The following PACRG variants were observed in gnomAD, a reference collection of about 807,000 sequenced individuals.
The protein encoded by PACRG is parkin coregulated gene protein.
A neutral mutation model predicts 29.7 loss-of-function variants in PACRG; 29 were observed. The observed-to-expected ratio is 0.98, with a 90% CI of 0.73 to 1.33. The LOEUF is 1.33. Ranked by LOEUF, PACRG falls within the 40% of genes most tolerant of loss-of-function variation. The probability of loss-of-function intolerance (pLI) is 0.00; values close to 1 mark genes in which losing one functional copy is unlikely to be tolerated. For missense variants in PACRG, 279 were observed against 316.2 expected (o/e 0.88, Z 0.89); for synonymous variants, 116 against 118.7 (o/e 0.98, Z 0.15).
intron 1 of PACRG, among the ~76,000 whole-genome samples, chr6:162,747,393 T>TATAC (rs1491581485): frequency 2.7e-5 from 1 of 36,980 alleles, no homozygotes; most frequent in Admixed American, 3.7e-4. Context: ...TATATATGTA[T>TATAC]ATATATATGT....
At chr6:163,193,484 A>G (rs2128362619) in intron 4 of PACRG, among the ~76,000 whole-genome samples, 1 of 152,248 alleles carries the variant, frequency 6.6e-6, no homozygotes, top group Admixed American at 6.5e-5. Flanking sequence ...CAACAAGGCG[A>G]TTGTTCCCAG....
chr6:163,179,230 T>C (rs1387647175), intron 4 of PACRG: 1 of 455,818 alleles, frequency 2.2e-6, no homozygotes, highest in African/African-American at 2.0e-5. Context: ...GGCTCCTCCG[T>C]AGGTTCTCCT....
At chr6:163,198,580 T>C (rs4708981) in intron 4 of PACRG, among the ~76,000 whole-genome samples, 65,485 of 151,950 alleles carry the variant, frequency 0.43, 15,298 homozygotes, top group African/African-American at 0.62. Flanking sequence ...GCACCGAGGT[T>C]GTCTGGCACC....
At chr6:163,222,952 A>G (rs1027446734) in intron 4 of PACRG, among the ~76,000 whole-genome samples, 1 of 152,238 alleles carries the variant, frequency 6.6e-6, no homozygotes, top group African/African-American at 2.4e-5. Context: ...ATGTAGCTCA[A>G]AAAGGAAAAG....
At chr6:162,780,962 G>C (rs1006258267) in intron 1 of PACRG, among the ~76,000 whole-genome samples, 9 of 151,872 alleles carry the variant, frequency 5.9e-5, no homozygotes, top group South Asian at 4.1e-4. Flanking sequence ...AGGAGTGGGA[G>C]ATAAAATAAT....
intron 2 of PACRG, among the ~76,000 whole-genome samples, chr6:162,876,046 C>T (rs1793319085): frequency 6.6e-6 from 1 of 152,342 alleles, no homozygotes; most frequent in South Asian, 2.1e-4. Context: ...TCTGTTCCTT[C>T]ACCACCCCCT....
chr6:162,861,779 C>T (rs1377365645), intron 2 of PACRG, among the ~76,000 whole-genome samples: 1 of 152,170 alleles, frequency 6.6e-6, no homozygotes, highest in Non-Finnish European at 1.5e-5. Flanking sequence ...GTTATGCTCA[C>T]TATAATTGTT....
chr6:162,730,424 C>T (rs539944133), intron 1 of PACRG, among the ~76,000 whole-genome samples: 93 of 152,086 alleles, frequency 6.1e-4, no homozygotes, highest in Non-Finnish European at 1.2e-3. Context: ...AGAGCCAACA[C>T]CCTCCAAACC....
intron 4 of PACRG, among the ~76,000 whole-genome samples, chr6:163,101,891 C>T (rs1235627761): frequency 2.6e-5 from 4 of 152,206 alleles, no homozygotes; most frequent in Non-Finnish European, 5.9e-5. Flanking sequence ...GAGAGAACCA[C>T]ATAATACATC....
intron 4 of PACRG, among the ~76,000 whole-genome samples, chr6:163,201,491 T>C (rs1434825726): frequency 6.6e-6 from 1 of 152,144 alleles, no homozygotes; most frequent in Non-Finnish European, 1.5e-5. Context: ...AATCGGGCTG[T>C]GTGGGGACAG....
intron 2 of PACRG, among the ~76,000 whole-genome samples, chr6:162,983,308 T>C (rs928412693): frequency 6.6e-6 from 1 of 152,032 alleles, no homozygotes; most frequent in Non-Finnish European, 1.5e-5. Context: ...TTACATTCAC[T>C]GTTAATATTG....
At chr6:162,729,111 T>G (rs1470352958) in intron 1 of PACRG, among the ~76,000 whole-genome samples, 1 of 152,218 alleles carries the variant, frequency 6.6e-6, no homozygotes, top group African/African-American at 2.4e-5. Context: ...TAAAAATATA[T>G]ACAAATATTT....
intron 4 of PACRG, among the ~76,000 whole-genome samples, chr6:163,268,888 A>G (rs1363490240): frequency 6.6e-6 from 1 of 152,354 alleles, no homozygotes. Context: ...TGGAAACACC[A>G]AAATGATGTG....
intron 4 of PACRG, among the ~76,000 whole-genome samples, chr6:163,208,035 G>T (rs1780980179): frequency 6.6e-6 from 1 of 152,164 alleles, no homozygotes; most frequent in South Asian, 2.1e-4. Context: ...ACAGACGGTC[G>T]GGCAATGCTT....
At chr6:162,983,230 G>T (rs534644867) in intron 2 of PACRG, among the ~76,000 whole-genome samples, 17 of 152,140 alleles carry the variant, frequency 1.1e-4, no homozygotes, top group African/African-American at 3.9e-4. Flanking sequence ...GAAGACAGCA[G>T]ATACTTGGTT....
At chr6:162,963,871 T>C (rs1800828796) in intron 2 of PACRG, among the ~76,000 whole-genome samples, 1 of 152,102 alleles carries the variant, frequency 6.6e-6, no homozygotes, top group South Asian at 2.1e-4. Flanking sequence ...ATCAGTTAGA[T>C]CATGGGTTGA....
At chr6:163,223,858 G>A (rs1212591662) in intron 4 of PACRG, among the ~76,000 whole-genome samples, 1 of 152,174 alleles carries the variant, frequency 6.6e-6, no homozygotes, top group African/African-American at 2.4e-5. Flanking sequence ...AACAGTGGAT[G>A]AAAAATAAAG....
intron 2 of PACRG, among the ~76,000 whole-genome samples, chr6:162,820,611 C>T (rs1210470965): frequency 6.6e-6 from 1 of 151,444 alleles, no homozygotes; most frequent in Admixed American, 6.6e-5. Context: ...CCCTTGGTAC[C>T]TTCAATTTCT....
At chr6:162,728,542 C>T (rs1456536015) in intron 1 of PACRG, 151 bp downstream of exon 1, 27 of 902,718 alleles carry the variant, frequency 3.0e-5, no homozygotes, top group Non-Finnish European at 4.5e-5. Context: ...AAACGGTGCC[C>T]CACAGTGTGT....
Sources: allele counts gnomAD v4.1 joint callset (sites outside exome capture counted in the v4.1 genomes callset), GRCh38; gene constraint gnomAD v4.1.1; transcripts MANE v1.5; gene names NCBI Gene and HGNC (gene_info 2026-07-23, HGNC 2026-07-21).